Variants in SPICE1 observed in about 807,000 individuals in gnomAD.
The protein encoded by SPICE1 is spindle and centriole associated protein 1.
In SPICE1, 75 loss-of-function variants were observed where a neutral mutation model predicts 102.7. That is an observed-to-expected ratio of 0.73 (90% CI 0.61 to 0.88). The LOEUF is 0.88. Ranked by LOEUF, SPICE1 falls within the 40% of genes least tolerant of loss-of-function variation. The pLI, the probability that SPICE1 is intolerant of heterozygous loss-of-function variation, is 0.00. For synonymous variants in SPICE1, 308 were observed against 350.3 expected (o/e 0.88, Z 1.35); for missense variants, 979 against 1,020.1 (o/e 0.96, Z 0.55).
intron 4 of SPICE1, 127 bp downstream of exon 4, chr3:113,499,312 A>T (rs1255691633): frequency 4.7e-6 from 5 of 1,060,060 alleles, no homozygotes; most frequent in South Asian, 4.2e-5. Flanking sequence ...TGAAGTCCAC[A>T]TGTAGATTAT....
rs536714658 is a variant in SPICE1, at chr3:113,448,226, A to T, written c.2324-86T>A. On this transcript the variant is annotated intron_variant, in intron 15 of 17. Coordinates refer to ENST00000295872, the MANE Select transcript of SPICE1 (RefSeq NM_144718.4). The stretch of plus-strand genomic sequence containing the variant: ...ATTTCTATCTTACTGCAAACTGCAC[A>T]TTAAAAATTTGGTGGTTCTTTCCAT... 1.2e-5 allele frequency: 15 copies of T among 1,201,978 alleles called. No individual in the cohort carries two copies. In the African/African-American group the frequency reaches 2.3e-4, roughly 19 times the overall value. The allele number at this position is 1,201,978 out of a possible 1,614,324, so 74.5% of individuals were successfully genotyped here.
intron 7 of SPICE1, among the ~76,000 whole-genome samples, chr3:113,469,725 TAGAA>T (rs1936152310): frequency 6.6e-6 from 1 of 152,262 alleles, no homozygotes; most frequent in South Asian, 2.1e-4. Flanking sequence ...ACCTTAGTGT[TAGAA>T]AGAATCATTC....
intron 6 of SPICE1, among the ~76,000 whole-genome samples, chr3:113,490,286 C>T (rs114103582): frequency 6.6e-6 from 1 of 152,090 alleles, no homozygotes; most frequent in Non-Finnish European, 1.5e-5. Flanking sequence ...ATTTCCAAAC[C>T]TCTATCTTCA....
intron 11 of SPICE1, among the ~76,000 whole-genome samples, chr3:113,462,711 A>C (rs1935961686): frequency 1.3e-5 from 2 of 152,154 alleles, no homozygotes; most frequent in African/African-American, 4.8e-5. Context: ...AGTAAGTAGA[A>C]CTGTTTTTGG....
At chr3:113,476,354 AC>A (rs1936346847) in intron 7 of SPICE1, among the ~76,000 whole-genome samples, 1 of 151,464 alleles carries the variant, frequency 6.6e-6, no homozygotes, top group Admixed American at 6.6e-5. Flanking sequence ...AAATGGCCAT[AC>A]TGCCCAAGGT....
chr3:113,481,571 C>T (rs927408538), intron 7 of SPICE1, among the ~76,000 whole-genome samples: 3 of 152,062 alleles, frequency 2.0e-5, no homozygotes, highest in African/African-American at 7.2e-5. Flanking sequence ...CCCTAGCCCC[C>T]CCAACCCTCC....
intron 7 of SPICE1, among the ~76,000 whole-genome samples, chr3:113,479,346 G>A (rs1468834845): frequency 2.0e-5 from 3 of 151,438 alleles, no homozygotes; most frequent in Non-Finnish European, 2.9e-5. Context: ...TGGTGTATAT[G>A]TGCCACATTT....
chr3:113,445,254 G>A lies in SPICE1; in HGVS notation c.*53C>T. ...TATAAAAACTTAAAAGTCAGAGCAG[G>A]GAAAGGGAAGTAATAAATTATTAAG... On this transcript the variant is annotated 3_prime_UTR_variant, in exon 18 of 18. Coordinates refer to ENST00000295872, the MANE Select transcript of SPICE1 (RefSeq NM_144718.4). 1.4e-6 allele frequency: 2 copies of A among 1,454,938 alleles called. No individual in the cohort carries two copies. The highest frequency in any genetic ancestry group is 1.2e-5 in the South Asian group (1 of 83,102). The allele number at this position is 1,454,938 out of a possible 1,614,324, so 90.1% of individuals were successfully genotyped here. A position where few individuals can be genotyped will look rare whatever the true frequency, so the allele number is the denominator to read the frequency against.
In SPICE1 at chr3:113,458,629, G is replaced by A. The variant is rs7641005; in HGVS notation, c.1436-1272C>T. 4.9e-3 allele frequency among the ~76,000 whole-genome samples: 750 copies of A among 152,060 alleles called. 8 individuals are homozygous for A. Among genetic ancestry groups the A allele is most frequent in the African/African-American group, 0.017 (709 of 41,464 alleles). On this transcript the variant is annotated intron_variant, in intron 12 of 17. Transcript: ENST00000295872. ...CCGAGATTGCAGCCTCTGCCCGGCCGCCACCCCGTCTAGGAAGTGAGGAGC... is the reference window on the plus strand; with the variant it reads ...CCGAGATTGCAGCCTCTGCCCGGCCACCACCCCGTCTAGGAAGTGAGGAGC...
intron 3 of SPICE1, among the ~76,000 whole-genome samples, chr3:113,501,200 T>C (rs562143080): frequency 1.3e-5 from 2 of 152,286 alleles, no homozygotes; most frequent in South Asian, 4.1e-4. Flanking sequence ...GGACAATGAT[T>C]ATCCTTTAGC....
chr3:113,460,242 A>T (rs1935897557), intron 12 of SPICE1: 3 of 984,716 alleles, frequency 3.0e-6, no homozygotes, highest in South Asian at 9.4e-5. Context: ...GAGCACTGGG[A>T]TTAAAAGTGC....
In SPICE1 at chr3:113,450,629, T is replaced by G. The variant is rs1576620724; in HGVS notation, c.2143-113A>C. Reference sequence around the variant, plus strand: ...TCTCACTCTGTTGCCCAGGCTGGAGTGCAGTGGCGCTATCTCGGCTCACTG... The same window carrying G: ...TCTCACTCTGTTGCCCAGGCTGGAGGGCAGTGGCGCTATCTCGGCTCACTG... On this transcript the variant is annotated intron_variant, in intron 14 of 17. Transcript: ENST00000295872. 10 of 1,082,658 alleles carry G rather than the reference T, an allele frequency of 9.2e-6. No homozygotes were observed. The South Asian group carries it at 1.8e-4, about 20-fold the overall frequency. The allele number at this position is 1,082,658 out of a possible 1,614,324, so 67.1% of individuals were successfully genotyped here. A position where few individuals can be genotyped will look rare whatever the true frequency, so the allele number is the denominator to read the frequency against.
intron 12 of SPICE1, chr3:113,459,370 C>G (rs1935870764): frequency 1.4e-6 from 1 of 699,806 alleles, no homozygotes; most frequent in Non-Finnish European, 1.8e-6. Context: ...GTCCTACGAC[C>G]CTGCCAAATC....
intron 14 of SPICE1, 54 bp from the exon 15 acceptor site, chr3:113,450,570 T>C: frequency 2.8e-6 from 4 of 1,425,732 alleles, no homozygotes; most frequent in Non-Finnish European, 3.7e-6. Flanking sequence ...CTGAAAAATC[T>C]CTCCCACGAT....
chr3:113,464,881 C>A (rs535661810), intron 11 of SPICE1, among the ~76,000 whole-genome samples: 4 of 152,028 alleles, frequency 2.6e-5, no homozygotes, highest in African/African-American at 9.7e-5. Flanking sequence ...CCAAGGCGGG[C>A]GAATAGCTTG....
intron 7 of SPICE1, among the ~76,000 whole-genome samples, chr3:113,475,502 T>C (rs570082859): frequency 8.2e-4 from 124 of 152,080 alleles, no homozygotes; most frequent in Non-Finnish European, 1.3e-3. Flanking sequence ...TTTAGACCAA[T>C]ATCCTTGATG....
rs1216771864 is a variant in SPICE1, at chr3:113,443,361, T to G, written c.*1946A>C. 1.3e-5 allele frequency: 2 copies of G among 152,196 alleles called. No homozygotes were observed. The highest frequency in any genetic ancestry group is 2.9e-5 in the Non-Finnish European group (2 of 68,036). 9.4% of individuals were successfully genotyped at this position (152,196 alleles called of 1,614,324 possible). On this transcript the variant is annotated 3_prime_UTR_variant, in exon 18 of 18. Coordinates refer to ENST00000295872, the MANE Select transcript of SPICE1 (RefSeq NM_144718.4). The stretch of plus-strand genomic sequence containing the variant: ...ACTGTACTGTATTAGTTCCCGTAAA[T>G]TAGGAGAAATCCAGTAACTGCAAGA...
intron 1 of SPICE1, among the ~76,000 whole-genome samples, chr3:113,508,779 C>T (rs1236832023): frequency 6.6e-6 from 1 of 152,174 alleles, no homozygotes; most frequent in Non-Finnish European, 1.5e-5. Context: ...GAACTAAAAA[C>T]ATACGTCCAC....
intron 7 of SPICE1, among the ~76,000 whole-genome samples, chr3:113,475,918 T>C (rs1187979456): frequency 2.0e-5 from 3 of 152,102 alleles, no homozygotes; most frequent in African/African-American, 7.2e-5. Context: ...CAACATAGTG[T>C]TGGAAGTTCT....
Sources: gnomAD v4.1 joint callset for allele counts (sites outside exome capture counted in the v4.1 genomes callset) on GRCh38, gnomAD v4.1.1 for gene constraint, MANE v1.5 for transcripts, NCBI Gene and HGNC (gene_info 2026-07-23, HGNC 2026-07-21) for gene names.